Variants in MLPH observed in about 807,000 individuals in gnomAD.
MLPH encodes melanophilin.
In MLPH, 51 loss-of-function variants were observed where a neutral mutation model predicts 72.1. The ratio of observed to expected loss-of-function variants is 0.71; its 90% CI spans 0.56 to 0.89. The LOEUF (loss-of-function observed/expected upper bound fraction) is 0.89, where lower values mean the gene tolerates loss of function less well. MLPH is among the 40% of genes least tolerant of loss of function. The probability of loss-of-function intolerance (pLI) is 0.00; values close to 1 mark genes in which losing one functional copy is unlikely to be tolerated. For synonymous variants in MLPH, 301 were observed against 310.1 expected, an observed-to-expected ratio of 0.97 and a Z score of 0.31; for missense variants, 743 against 759.9, an observed-to-expected ratio of 0.98 and a Z score of 0.26.
intron 8 of MLPH, among the ~76,000 whole-genome samples, chr2:237,531,978 CTTTG>C (rs1465050015): frequency 1.3e-5 from 2 of 152,210 alleles, no homozygotes; most frequent in Non-Finnish European, 2.9e-5. Flanking sequence ...GTTCCAACAG[CTTTG>C]TTTGAATTAT....
chr2:237,534,797 G>T, intron 9 of MLPH, 150 bp downstream of exon 9: 1 of 702,938 alleles, frequency 1.4e-6, no homozygotes, highest in South Asian at 1.6e-5. Flanking sequence ...AGAGAGCCAG[G>T]CAGTTCCCAC....
At chr2:237,533,550 C>T (rs1018486773) in intron 8 of MLPH, among the ~76,000 whole-genome samples, 13 of 152,110 alleles carry the variant, frequency 8.5e-5, no homozygotes, top group African/African-American at 2.9e-4. Flanking sequence ...TGAGCCACCA[C>T]CCCTGGCTAA....
At chr2:237,511,140 G>A (rs376680616) in intron 4 of MLPH, 39 bp downstream of exon 4, 23 of 1,518,408 alleles carry the variant, frequency 1.5e-5, no homozygotes, top group East Asian at 2.3e-5. Context: ...TTGTTCCCAG[G>A]CATTTTAGGA....
chr2:237,552,181 G>A (rs1336160498), intron 14 of MLPH, 156 bp from the exon 15 acceptor site: 2 of 634,424 alleles, frequency 3.2e-6, no homozygotes, highest in South Asian at 1.8e-5. Context: ...CAGCTGAAAT[G>A]TAAATACTTT....
chr2:237,487,797 C>G (rs1023631768), intron 1 of MLPH, among the ~76,000 whole-genome samples: 23 of 152,240 alleles, frequency 1.5e-4, no homozygotes, highest in African/African-American at 4.8e-4. Context: ...GCCAAGTAGG[C>G]TGGCCCCAGG....
chr2:237,526,676 T>C (rs535521375), intron 7 of MLPH, among the ~76,000 whole-genome samples: 10 of 152,106 alleles, frequency 6.6e-5, no homozygotes, highest in Non-Finnish European at 1.3e-4. Context: ...TGCCTCAGAG[T>C]CAGGCAGTTC....
At chr2:237,536,528 G>A (rs574976278) in intron 9 of MLPH, among the ~76,000 whole-genome samples, 2 of 152,320 alleles carry the variant, frequency 1.3e-5, no homozygotes, top group South Asian at 2.1e-4. Context: ...GTTAGGGAGA[G>A]CATTGCTTCC....
rs773739590 is a variant in MLPH, at chr2:237,510,680, C to A, written c.217C>A (p.Leu73Met). Reference protein sequence around the residue: ...HCARCLQPYQLLVNSKRQCLE... With the variant: ...HCARCLQPYQMLVNSKRQCLE... ...CGCCCGCTGCCTGCAGCCCTACCAG[C>A]TGCTTGTGAATAGCAAAAGGCAGTG... is the stretch of plus-strand genomic sequence containing the variant. Residue 73 changes from leucine to methionine, a missense_variant, in exon 3 of 16, where the codon CTG becomes ATG. Physicochemically the swap from Leu to Met is conservative, Grantham distance 15. Transcript: ENST00000264605. The surrounding 1 kb of genome is among the most constrained non-coding windows in gnomAD (Gnocchi z 4.4). 11 of 1,613,708 alleles carry A rather than the reference C, an allele frequency of 6.8e-6. 1 individual carries two copies. In the South Asian group the frequency reaches 1.2e-4, roughly 18 times the overall value.
At chr2:237,544,417 CG>C (rs1491172952) in intron 12 of MLPH, among the ~76,000 whole-genome samples, 1 of 21,022 alleles carries the variant, frequency 4.8e-5, no homozygotes, top group African/African-American at 7.9e-4. Flanking sequence ...AGTGGTGAGT[CG>C]GGGGACAGTG....
intron 8 of MLPH, among the ~76,000 whole-genome samples, chr2:237,530,038 C>T (rs140305367): frequency 7.2e-5 from 11 of 152,328 alleles, no homozygotes; most frequent in South Asian, 2.1e-4. Context: ...GGGCAGGGCA[C>T]GCAGAAGCTG....
At chr2:237,548,392 G>T (rs1348346735) in intron 13 of MLPH, among the ~76,000 whole-genome samples, 1 of 152,202 alleles carries the variant, frequency 6.6e-6, no homozygotes, top group Non-Finnish European at 1.5e-5. Context: ...GCCAAACAGA[G>T]AATGGATTTC....
At chr2:237,503,525 G>A (rs933098114) in intron 2 of MLPH, among the ~76,000 whole-genome samples, 10 of 152,188 alleles carry the variant, frequency 6.6e-5, no homozygotes, top group Non-Finnish European at 1.2e-4. Context: ...CCGTCTTTCC[G>A]TCCTCTGCCA....
chr2:237,546,404 T>C (rs1574912916), intron 12 of MLPH: 1 of 606,166 alleles, frequency 1.6e-6, no homozygotes, highest in East Asian at 2.8e-5. Context: ...GTTCCCTGGG[T>C]ATCCTGTATT....
intron 6 of MLPH, 45 bp from the exon 7 acceptor site, chr2:237,525,556 T>A: frequency 8.1e-6 from 13 of 1,604,046 alleles, no homozygotes; most frequent in Non-Finnish European, 1.0e-5. Context: ...CAGCGGCCCC[T>A]CCTAGTAAAC....
intron 12 of MLPH, among the ~76,000 whole-genome samples, chr2:237,544,487 G>T (rs114728654): frequency 3.2e-5 from 1 of 30,946 alleles, no homozygotes; most frequent in Non-Finnish European, 5.9e-5. Context: ...TGGTGAGTGG[G>T]GGGGACAGTG....
In MLPH at chr2:237,493,479, T is replaced by C; in HGVS notation, c.53T>C (p.Val18Ala). 2 of 1,614,082 alleles carry C rather than the reference T, an allele frequency of 1.2e-6. No individual in the cohort carries two copies. Among genetic ancestry groups the C allele is most frequent in the Non-Finnish European group, 8.5e-7 (1 of 1,179,970 alleles). ...CTCACTGATGAAGAGGCCCAGCATG[T>C]CTTGGAAGTTGTTCAACGAGATTTT... ...SKLTDEEAQH[V>A]LEVVQRDFDL... Residue 18 changes from valine (V) to alanine (A), a missense_variant, in exon 2 of 16, where the codon GTC becomes GCC. By Grantham distance (64) the Val-to-Ala change is moderately conservative. Coordinates refer to ENST00000264605, the MANE Select transcript of MLPH (RefSeq NM_024101.7).
At chr2:237,493,719 T>A (rs2079476586) in intron 2 of MLPH, among the ~76,000 whole-genome samples, 183 bp downstream of exon 2, 2 of 152,196 alleles carry the variant, frequency 1.3e-5, no homozygotes, top group South Asian at 4.1e-4. Context: ...GGATCTGACT[T>A]GCCAAACTGA....
At position 237,519,985 on chromosome 2, in the gene MLPH, T is replaced by TC. The variant is rs756019971; in HGVS notation, c.634dup (p.Leu212ProfsTer8). 1 of 1,613,998 alleles carries TC rather than the reference T, an allele frequency of 6.2e-7. No individual in the cohort carries two copies. Among genetic ancestry groups the TC allele is most frequent in the South Asian group, 1.1e-5 (1 of 91,078 alleles). On this transcript the variant is annotated frameshift_variant, in exon 6 of 16. Transcript: ENST00000264605. LOFTEE classifies it high-confidence loss of function. Reference sequence around the variant, plus strand: ...TGACTCCACTCAGCCTCAAGGTCACTCCCTGCACCTGTCCTCAGTCCCTGA... The same window carrying TC: ...TGACTCCACTCAGCCTCAAGGTCACTCCCCTGCACCTGTCCTCAGTCCCTGA...
intron 8 of MLPH, among the ~76,000 whole-genome samples, chr2:237,533,668 C>G (rs1355038092): frequency 6.6e-6 from 1 of 152,200 alleles, no homozygotes. Flanking sequence ...TTCCGGGAGA[C>G]AGAGGATGTG....
Sources: gnomAD v4.1 joint callset for allele counts (sites outside exome capture counted in the v4.1 genomes callset) on GRCh38, gnomAD v4.1.1 for gene constraint, Gnocchi (gnomAD v3.1) non-coding constraint, MANE v1.5 for transcripts, NCBI Gene and HGNC (gene_info 2026-07-23, HGNC 2026-07-21) for gene names.